CAPN9: variants seen among roughly 807,000 people sequenced by gnomAD.
CAPN9 encodes the protein calpain 9.
Under a neutral mutation model 92.8 loss-of-function variants are expected in CAPN9, and 81 were observed. The observed-to-expected ratio is 0.87, with a 90% CI of 0.73 to 1.05. The LOEUF is 1.05. Among genes scored for constraint, CAPN9 ranks in the 50% least tolerant of loss-of-function variants. The pLI, the probability that CAPN9 is intolerant of heterozygous loss-of-function variation, is 0.00. For missense variants in CAPN9, 848 were observed against 866.2 expected, an observed-to-expected ratio of 0.98 and a Z score of 0.26; for synonymous variants, 304 against 328.0, an observed-to-expected ratio of 0.93 and a Z score of 0.79.
intron 19 of CAPN9, among the ~76,000 whole-genome samples, chr1:230,800,254 GAAAGAAAGA>G (rs1489098901): frequency 8.8e-6 from 1 of 113,792 alleles, no homozygotes; most frequent in Admixed American, 9.4e-5. Context: ...AAGAAAGAAA[GAAAGAAAGA>G]AAGAAAGAAA....
rs766583172 is a variant in CAPN9 at position 230,772,113 on chromosome 1, T to G, written c.875+14T>G. 6.2e-7 allele frequency: 1 copy of G among 1,611,330 alleles called. No homozygotes were observed. Among genetic ancestry groups the G allele is most frequent in the Non-Finnish European group, 8.5e-7 (1 of 1,177,770 alleles). ...GTGGAGCGACAGGTCAGTCACCCTA[T>G]CCTGCCTCTCTGGCTGGTTCCCGGG... On this transcript the variant is annotated intron_variant, in intron 7 of 19. Coordinates refer to ENST00000271971, the MANE Select transcript of CAPN9 (RefSeq NM_006615.3).
chr1:230,774,744 T>C (rs1484361236), intron 8 of CAPN9, 113 bp downstream of exon 8: 18 of 578,408 alleles, frequency 3.1e-5, no homozygotes, highest in East Asian at 1.3e-4. Context: ...TCTTTCTTTT[T>C]TTTTTTTTTT....
chr1:230,778,523 G>C (rs189613156), intron 8 of CAPN9, among the ~76,000 whole-genome samples: 1 of 152,044 alleles, frequency 6.6e-6, no homozygotes, highest in African/African-American at 2.4e-5. Context: ...CAGACACCTC[G>C]TGCCTTCCTG....
At chr1:230,759,072 A>T (rs941467191) in intron 2 of CAPN9, among the ~76,000 whole-genome samples, 2 of 152,226 alleles carry the variant, frequency 1.3e-5, no homozygotes, top group Non-Finnish European at 2.9e-5. Flanking sequence ...TCTGTAATTA[A>T]GCTGAGTCTG....
intron 18 of CAPN9, among the ~76,000 whole-genome samples, chr1:230,797,578 G>C (rs1182425025): frequency 6.6e-6 from 1 of 152,176 alleles, no homozygotes; most frequent in Non-Finnish European, 1.5e-5. Context: ...CTACCCGAGA[G>C]ATTCTCAAGT....
chr1:230,800,836 G>T (rs1180589384), intron 19 of CAPN9, among the ~76,000 whole-genome samples: 3 of 152,112 alleles, frequency 2.0e-5, no homozygotes, highest in Non-Finnish European at 4.4e-5. Context: ...ATGTTTTAAA[G>T]TCCCTCTCCT....
chr1:230,750,257 C>T (rs1318740633), intron 1 of CAPN9, among the ~76,000 whole-genome samples: 2 of 152,232 alleles, frequency 1.3e-5, no homozygotes, highest in Non-Finnish European at 2.9e-5. Flanking sequence ...GTCCCTTCTT[C>T]ATCCCACTGT....
At chr1:230,799,770 C>T (rs1668563120) in intron 19 of CAPN9, among the ~76,000 whole-genome samples, 1 of 152,182 alleles carries the variant, frequency 6.6e-6, no homozygotes, top group Admixed American at 6.5e-5. Context: ...TGGTGGTGTG[C>T]ACCTGCAGTC....
At position 230,787,462 on chromosome 1, in the gene CAPN9, T is replaced by C. The variant is rs568615069; in HGVS notation, c.1519-60T>C. ...CAGGCTCCTGGCTTCTTTCCTGCTA[T>C]TTTTGTCATGTTTCTTTTTTGTGGA... is the stretch of plus-strand genomic sequence containing the variant. On this transcript the variant is annotated intron_variant, in intron 12 of 19. Coordinates refer to ENST00000271971, the MANE Select transcript of CAPN9 (RefSeq NM_006615.3). 8 of 1,479,796 alleles carry C rather than the reference T, an allele frequency of 5.4e-6. No individual in the cohort carries two copies. The East Asian group carries it at 1.8e-4, about 34-fold the overall frequency. The allele number at this position is 1,479,796 out of a possible 1,614,324, so 91.7% of individuals were successfully genotyped here. A position where few individuals can be genotyped will look rare whatever the true frequency, so the allele number is the denominator to read the frequency against.
intron 5 of CAPN9, among the ~76,000 whole-genome samples, chr1:230,768,039 AATAAATAAATAAATAAAAAAT>A (rs1313323114): frequency 1.1e-4 from 15 of 133,982 alleles, no homozygotes; most frequent in African/African-American, 3.6e-4. Context: ...TAAATAAATA[AATAAATAAATAAATAAAAAAT>A]AAAATAAAAT....
rs1366934873 is a variant in CAPN9 at position 230,795,290 on chromosome 1, A to T, written c.1987+11A>T. 6.4e-7 allele frequency: 1 copy of T among 1,561,784 alleles called. No individual in the cohort carries two copies. The highest frequency in any genetic ancestry group is 8.8e-7 in the Non-Finnish European group (1 of 1,132,740). On this transcript the variant is annotated intron_variant, in intron 18 of 19. Coordinates refer to ENST00000271971, the MANE Select transcript of CAPN9 (RefSeq NM_006615.3). ...TGGAGAATGCGAGCCGTAAGTGTCC[A>T]GCGAGGCTGAGGGTGCACCTCGGGG... is the stretch of plus-strand genomic sequence containing the variant.
intron 5 of CAPN9, 106 bp downstream of exon 5, chr1:230,767,815 G>A: frequency 9.4e-7 from 1 of 1,059,954 alleles, no homozygotes; most frequent in Non-Finnish European, 1.4e-6. Context: ...CACCCAAGGA[G>A]GGGCATAACT....
At chr1:230,766,327 A>G (rs555768267) in intron 4 of CAPN9, among the ~76,000 whole-genome samples, 14 of 152,318 alleles carry the variant, frequency 9.2e-5, no homozygotes, top group African/African-American at 2.9e-4. Context: ...GCATAATAGT[A>G]TACATATTGA....
intron 8 of CAPN9, among the ~76,000 whole-genome samples, chr1:230,777,274 G>A (rs897187535): frequency 1.3e-5 from 2 of 151,938 alleles, no homozygotes; most frequent in African/African-American, 4.8e-5. Flanking sequence ...GAGCGTCCAT[G>A]TGAGTGATCC....
At chr1:230,754,409 A>AATAT (rs5781600) in intron 1 of CAPN9, among the ~76,000 whole-genome samples, 15 of 150,928 alleles carry the variant, frequency 9.9e-5, no homozygotes, top group South Asian at 4.2e-4. Flanking sequence ...AATATAGAAT[A>AATAT]ATATATATAT....
chr1:230,789,473 C>CAAAAAA (rs57738295), intron 13 of CAPN9, among the ~76,000 whole-genome samples: 3 of 66,278 alleles, frequency 4.5e-5, no homozygotes, highest in East Asian at 1.2e-3. Flanking sequence ...GACCCTGTAT[C>CAAAAAA]AAAAAAAAAA....
intron 18 of CAPN9, among the ~76,000 whole-genome samples, chr1:230,796,528 G>A (rs2102940463): frequency 6.6e-6 from 1 of 152,136 alleles, no homozygotes; most frequent in African/African-American, 2.4e-5. Context: ...GTAATTTCTG[G>A]ACAATCAATG....
At chr1:230,770,173 A>C (rs1171142963) in intron 6 of CAPN9, among the ~76,000 whole-genome samples, 8 of 152,196 alleles carry the variant, frequency 5.3e-5, no homozygotes, top group Non-Finnish European at 7.3e-5. Context: ...TGCTCTCTGC[A>C]AACTGGAGGC....
chr1:230,801,700 C>A lies in CAPN9; in HGVS notation c.*104C>A. 2.0e-6 allele frequency: 2 copies of A among 1,013,436 alleles called. No homozygotes were observed. Among genetic ancestry groups the A allele is most frequent in the Admixed American group, 1.7e-5 (1 of 58,894 alleles). 62.8% of individuals were successfully genotyped at this position (1,013,436 alleles called of 1,614,324 possible). ...GAACCATTACGCCCAGGGTTCACTCCCCTCTCATCGTCCGGCCTTCTCCCT... is the reference window on the plus strand; with the variant it reads ...GAACCATTACGCCCAGGGTTCACTCACCTCTCATCGTCCGGCCTTCTCCCT... On this transcript the variant is annotated 3_prime_UTR_variant, in exon 20 of 20. Transcript: ENST00000271971.
Sources: allele counts gnomAD v4.1 joint callset (sites outside exome capture counted in the v4.1 genomes callset), GRCh38; gene constraint gnomAD v4.1.1; transcripts MANE v1.5; gene names NCBI Gene and HGNC (gene_info 2026-07-23, HGNC 2026-07-21).